Variants in RASSF3 observed in about 807,000 individuals in gnomAD.
RASSF3 encodes Ras association domain family member 3, also known as ras association domain-containing protein 3.
RASSF3 carries 19 observed loss-of-function variants against 19.9 expected under a neutral mutation model. The observed-to-expected ratio is 0.96, with a 90% CI of 0.67 to 1.40. RASSF3 has a LOEUF of 1.40. Ranked by LOEUF, RASSF3 falls within the 40% of genes most tolerant of loss-of-function variation. The pLI, the probability that RASSF3 is intolerant of heterozygous loss-of-function variation, is 0.00. For missense variants in RASSF3, 306 were observed against 289.8 expected (o/e 1.06, Z -0.41); for synonymous variants, 110 against 104.2 (o/e 1.06, Z -0.34).
intron 1 of RASSF3, among the ~76,000 whole-genome samples, chr12:64,620,258 G>A (rs1166904200): frequency 5.9e-5 from 9 of 152,100 alleles, no homozygotes; most frequent in African/African-American, 2.2e-4. Context: ...TCATGTTGGA[G>A]TATGTGTCAG....
intron 4 of RASSF3, among the ~76,000 whole-genome samples, chr12:64,694,415 G>T (rs1868326082): frequency 6.6e-6 from 1 of 152,194 alleles, no homozygotes; most frequent in Admixed American, 6.5e-5. Context: ...GAGGACTCGA[G>T]GTTAAGATGA....
Position 64,521,265 on chromosome 12 carries a change from A to G in RASSF3, c.169+13936A>G, listed in dbSNP as rs1868473548. On this transcript the variant is annotated intron_variant, in intron 1 of 5. Transcript: ENST00000637125. ...TAGCAGGTGTGCTCCTAAAGTGGACAGGTAGGTGATATCCCTTGATGGAGA... is the reference window on the plus strand; with the variant it reads ...TAGCAGGTGTGCTCCTAAAGTGGACGGGTAGGTGATATCCCTTGATGGAGA... 2.0e-5 allele frequency among the ~76,000 whole-genome samples: 3 copies of G among 152,222 alleles called. No individual in the cohort carries two copies. The South Asian group carries it at 6.2e-4, about 32-fold the overall frequency.
At chr12:64,674,856 T>TGG (rs1872825237) in intron 1 of RASSF3, among the ~76,000 whole-genome samples, 1 of 152,028 alleles carries the variant, frequency 6.6e-6, no homozygotes, top group Non-Finnish European at 1.5e-5. Context: ...GAGGTAAAGT[T>TGG]GGGGGAGTAT....
At chr12:64,550,002 T>G (rs1270880313) in intron 2 of RASSF3, among the ~76,000 whole-genome samples, 1 of 152,138 alleles carries the variant, frequency 6.6e-6, no homozygotes, top group Admixed American at 6.6e-5. Context: ...ATTCTCACTT[T>G]GATTGATGAG....
At chr12:64,594,744 A>G (rs1265237773) in intron 2 of RASSF3, among the ~76,000 whole-genome samples, 1 of 152,102 alleles carries the variant, frequency 6.6e-6, no homozygotes, top group East Asian at 1.9e-4. Context: ...GAAAATTTAC[A>G]TTTGTAAAGG....
At position 64,694,905 on chromosome 12, in the gene RASSF3, C is replaced by T. The variant is rs1868332885; in HGVS notation, c.710C>T (p.Pro237Leu). ...GAAGCCCTCCGTGAGGTGTGGAAGCCTGATTAAAGCGGGGCTCCCTGCCCG... is the reference window on the plus strand; with the variant it reads ...GAAGCCCTCCGTGAGGTGTGGAAGCTTGATTAAAGCGGGGCTCCCTGCCCG... ...LEEALREVWK[P>L]D The change falls in exon 5 of 5, where the codon CCT becomes CTT. Residue 237 changes from proline to leucine, a missense_variant. Pro to Leu is a moderately conservative substitution (Grantham distance 98). Transcript: ENST00000542104. The T allele has an allele frequency of 6.2e-7, 1 of 1,613,918 alleles. No individual in the cohort carries two copies.
At chr12:64,547,352 G>A (rs1226158438) in intron 2 of RASSF3, among the ~76,000 whole-genome samples, 3 of 151,160 alleles carry the variant, frequency 2.0e-5, no homozygotes, top group Non-Finnish European at 4.4e-5. Flanking sequence ...CGGATCACAA[G>A]GTCAAGAGAT....
intron 2 of RASSF3, among the ~76,000 whole-genome samples, chr12:64,591,591 C>T (rs1013205722): frequency 1.3e-5 from 2 of 152,140 alleles, no homozygotes; most frequent in African/African-American, 4.8e-5. Flanking sequence ...TCCTTTTACT[C>T]AAGCAAACCC....
chr12:64,514,746 T>C (rs891908882), intron 1 of RASSF3, among the ~76,000 whole-genome samples: 5 of 152,278 alleles, frequency 3.3e-5, no homozygotes, highest in Admixed American at 6.5e-5. Flanking sequence ...TAGCAAAGTT[T>C]CTCATAGTGC....
intron 2 of RASSF3, among the ~76,000 whole-genome samples, chr12:64,575,475 G>A (rs1018918773): frequency 1.3e-5 from 2 of 152,080 alleles, no homozygotes; most frequent in East Asian, 1.9e-4. Context: ...ATCACTTAAC[G>A]CCAGGAGTTC....
intron 1 of RASSF3, among the ~76,000 whole-genome samples, chr12:64,622,271 A>G (rs953883674): frequency 1.4e-5 from 2 of 148,056 alleles, no homozygotes; most frequent in Non-Finnish European, 3.0e-5. Flanking sequence ...CATGTTGGTC[A>G]GGCTGGTGTC....
At chr12:64,662,051 G>T (rs1338596747) in intron 1 of RASSF3, among the ~76,000 whole-genome samples, 1 of 151,758 alleles carries the variant, frequency 6.6e-6, no homozygotes, top group Non-Finnish European at 1.5e-5. Flanking sequence ...CTAGATGCTG[G>T]AGACAAAAAT....
rs571398582 is a variant in RASSF3 at position 64,565,869 on chromosome 12, C to T, written c.294+24164C>T. Among the ~76,000 whole-genome samples, 21 of 131,238 alleles carry T rather than the reference C, an allele frequency of 1.6e-4. No homozygotes were observed. The East Asian group carries it at 3.3e-3, about 21-fold the overall frequency. The allele number at this position is 131,238 out of a possible 152,430, so 86.1% of individuals were successfully genotyped here. A position where few individuals can be genotyped will look rare whatever the true frequency, so the allele number is the denominator to read the frequency against. ...CTGCCCTCCAGCCTGGGCAACCGAGCGAGACTTCGTCTCAGAAAAAAAAAA... is the reference window on the plus strand; with the variant it reads ...CTGCCCTCCAGCCTGGGCAACCGAGTGAGACTTCGTCTCAGAAAAAAAAAA... On this transcript the variant is annotated intron_variant, in intron 2 of 5. Coordinates refer to the RASSF3 transcript ENST00000637125.
rs570945535 is a variant in RASSF3 at position 64,621,652 on chromosome 12, A to G, written c.111+10909A>G. ...GCCACTATGCGCGGCTAATTTTTGT[A>G]TTTTTAGTAGAGACAGGATTGATCA... On this transcript the variant is annotated intron_variant, in intron 1 of 4. Coordinates refer to ENST00000542104, the MANE Select transcript of RASSF3 (RefSeq NM_178169.4). 2.0e-5 allele frequency among the ~76,000 whole-genome samples: 3 copies of G among 152,078 alleles called. No individual in the cohort carries two copies. In the South Asian group the frequency reaches 6.2e-4, roughly 32 times the overall value.
At chr12:64,511,079 G>A (rs1186858119) in intron 1 of RASSF3, among the ~76,000 whole-genome samples, 1 of 152,186 alleles carries the variant, frequency 6.6e-6, no homozygotes, top group Non-Finnish European at 1.5e-5. Flanking sequence ...TAAATGCCGT[G>A]AAACTAAGAT....
At chr12:64,632,933 G>GA (rs960744947) in intron 1 of RASSF3, among the ~76,000 whole-genome samples, 2 of 152,058 alleles carry the variant, frequency 1.3e-5, no homozygotes, top group South Asian at 2.1e-4. Flanking sequence ...AACTTTCTTA[G>GA]AAAAAAAGTC....
Position 64,610,609 on chromosome 12 carries a change from C to G in RASSF3, c.-24C>G, listed in dbSNP as rs1408686513. On this transcript the variant is annotated 5_prime_UTR_variant, in exon 1 of 5. Coordinates refer to ENST00000542104, the MANE Select transcript of RASSF3 (RefSeq NM_178169.4). ...GGCCGCCTGCGCCCCGGGGAGGCCG[C>G]CCGCGCGCGACGGGACCGGCAGCAT... 6.8e-7 allele frequency: 1 copy of G among 1,463,464 alleles called. No homozygotes were observed. Among genetic ancestry groups the G allele is most frequent in the Admixed American group, 2.1e-5 (1 of 46,818 alleles). 90.7% of individuals were successfully genotyped at this position (1,463,464 alleles called of 1,614,324 possible). A position where few individuals can be genotyped will look rare whatever the true frequency, so the allele number is the denominator to read the frequency against.
intron 3 of RASSF3, 132 bp from the exon 4 acceptor site, chr12:64,691,338 T>C (rs1272674922): frequency 4.6e-6 from 3 of 654,238 alleles, no homozygotes; most frequent in Non-Finnish European, 8.4e-6. Flanking sequence ...AATAATAAGA[T>C]GAGCCGACTG....
At chr12:64,629,415 A>G (rs1031096330) in intron 1 of RASSF3, among the ~76,000 whole-genome samples, 15 of 151,976 alleles carry the variant, frequency 9.9e-5, no homozygotes, top group African/African-American at 3.1e-4. Context: ...TCCCACTGCT[A>G]TTCTTCCAGC....
Sources: allele counts gnomAD v4.1 joint callset (sites outside exome capture counted in the v4.1 genomes callset), GRCh38; gene constraint gnomAD v4.1.1; transcripts MANE v1.5; gene names NCBI Gene and HGNC (gene_info 2026-07-23, HGNC 2026-07-21).